Variants in DYRK4 observed in about 807,000 individuals in gnomAD.
DYRK4 encodes dual specificity tyrosine-phosphorylation-regulated kinase 4.
A neutral mutation model predicts 68.3 loss-of-function variants in DYRK4; 64 were observed. The observed-to-expected ratio is 0.94, with a 90% CI of 0.77 to 1.15. DYRK4 has a LOEUF of 1.15. Among genes scored for constraint, DYRK4 ranks in the 50% most tolerant of loss-of-function variants. The pLI, the probability that DYRK4 is intolerant of heterozygous loss-of-function variation, is 0.00. For synonymous variants in DYRK4, 274 were observed against 289.9 expected, an observed-to-expected ratio of 0.95 and a Z score of 0.56; for missense variants, 740 against 764.7, an observed-to-expected ratio of 0.97 and a Z score of 0.38.
rs1945252338 is a variant in DYRK4, at chr12:4,613,474, T to G, written c.1667-41T>G. ...AAGGACAATTAACATATAATCCACA[T>G]TTGAATCTTGTTCCCTTCTGTCTTC... On this transcript the variant is annotated intron_variant, in intron 14 of 14. Transcript: ENST00000543431. The surrounding 1 kb of genome is among the most constrained non-coding windows in gnomAD (Gnocchi z 4.0). 1 of 1,579,416 alleles carries G rather than the reference T, an allele frequency of 6.3e-7. No homozygotes were observed. Among genetic ancestry groups the G allele is most frequent in the African/African-American group, 1.3e-5 (1 of 74,078 alleles).
rs749595912 is a variant in DYRK4, at chr12:4,607,402, G to T, written c.1360+15G>T. 8 of 1,613,834 alleles carry T rather than the reference G, an allele frequency of 5.0e-6. No homozygotes were observed. The African/African-American group carries it at 6.7e-5, about 13-fold the overall frequency. On this transcript the variant is annotated intron_variant, in intron 12 of 14. Transcript: ENST00000543431. ...GACATTCTTTGGTAAGTCCTAGTGT[G>T]TCTCATGAGGTGTCACAGGCCTTGA...
intron 1 of DYRK4, among the ~76,000 whole-genome samples, chr12:4,567,106 A>G (rs1944684709): frequency 6.6e-6 from 1 of 152,186 alleles, no homozygotes; most frequent in South Asian, 2.1e-4. Context: ...CTGATTTTTC[A>G]ATAGTTATAC....
intron 2 of DYRK4, among the ~76,000 whole-genome samples, chr12:4,583,942 G>A (rs1428384024): frequency 1.3e-5 from 2 of 152,166 alleles, no homozygotes; most frequent in African/African-American, 2.4e-5. Context: ...CTGTGGGACC[G>A]CCCCGCCCGA....
At chr12:4,587,167 A>AG (rs1400952470) in intron 2 of DYRK4, among the ~76,000 whole-genome samples, 1 of 152,168 alleles carries the variant, frequency 6.6e-6, no homozygotes, top group African/African-American at 2.4e-5. Flanking sequence ...CAAGCGTCTT[A>AG]GTCTTTCAGT....
chr12:4,609,653 G>A (rs939098239), intron 12 of DYRK4, among the ~76,000 whole-genome samples: 4 of 152,216 alleles, frequency 2.6e-5, no homozygotes, highest in African/African-American at 9.6e-5. Context: ...ACATGATCAT[G>A]ACTTTAGGAG....
chr12:4,593,581 AC>A (rs1944981904), intron 6 of DYRK4, among the ~76,000 whole-genome samples: 1 of 152,200 alleles, frequency 6.6e-6, no homozygotes, highest in African/African-American at 2.4e-5. Flanking sequence ...TCCCCCACAG[AC>A]AAAAAAGCTT....
At chr12:4,562,396 C>G (rs1459434431) in intron 1 of DYRK4, 113 bp downstream of exon 1, 1 of 1,302,500 alleles carries the variant, frequency 7.7e-7, no homozygotes, top group African/African-American at 1.5e-5. Context: ...GTGCAGAATG[C>G]AAGAGCTGAC....
intron 2 of DYRK4, among the ~76,000 whole-genome samples, chr12:4,578,544 G>C (rs188272111): frequency 6.6e-6 from 1 of 152,084 alleles, no homozygotes; most frequent in Admixed American, 6.6e-5. Flanking sequence ...CAAGTTATGC[G>C]TAGTTAATTT....
At chr12:4,574,707 CTATT>C (rs1351492539) in intron 2 of DYRK4, among the ~76,000 whole-genome samples, 3 of 152,064 alleles carry the variant, frequency 2.0e-5, no homozygotes, top group Non-Finnish European at 4.4e-5. Context: ...TGTGCGTTTG[CTATT>C]TATTTTTTAT....
chr12:4,563,539 G>A (rs1330622816), intron 1 of DYRK4, among the ~76,000 whole-genome samples: 1 of 152,228 alleles, frequency 6.6e-6, no homozygotes, highest in Non-Finnish European at 1.5e-5. Flanking sequence ...CCACATCAAA[G>A]AATATGGTCG....
Position 4,591,207 on chromosome 12 carries a change from A to T in DYRK4, c.372A>T (p.Ser124=). The stretch of plus-strand genomic sequence containing the variant: ...TGCCGGCCTCAGAGCTCAAGGCTTC[A>T]GAAATACCTTTCCACCCTAGCATTA... ...NQMPASELKA[S]EIPFHPSIKT... The change falls in exon 5 of 15, where the codon TCA becomes TCT. Residue 124 remains serine (S), a synonymous_variant. Coordinates refer to ENST00000543431, the MANE Select transcript of DYRK4 (RefSeq NM_001394779.1). This position sits in a 1 kb window ranked among gnomAD's most constrained non-coding sequence, Gnocchi z 4.1. The T allele has an allele frequency of 1.2e-6, 2 of 1,614,208 alleles. No individual in the cohort carries two copies. The highest frequency in any genetic ancestry group is 1.7e-6 in the Non-Finnish European group (2 of 1,180,030).
At chr12:4,607,225 C>A in intron 11 of DYRK4, 102 bp from the exon 12 acceptor site, 1 of 1,338,748 alleles carries the variant, frequency 7.5e-7, no homozygotes, top group Non-Finnish European at 1.1e-6. Context: ...GCTTTGAATC[C>A]TTATCTGTAG....
At chr12:4,579,187 T>A (rs537251564) in intron 2 of DYRK4, among the ~76,000 whole-genome samples, 2 of 152,136 alleles carry the variant, frequency 1.3e-5, no homozygotes, top group South Asian at 4.2e-4. Flanking sequence ...GGCAGGAGAA[T>A]CATTTGAACC....
chr12:4,585,236 A>G (rs1232998904), intron 2 of DYRK4, among the ~76,000 whole-genome samples: 1 of 152,058 alleles, frequency 6.6e-6, no homozygotes, highest in Non-Finnish European at 1.5e-5. Flanking sequence ...CCTTCTCTTG[A>G]TTCCCACAAT....
intron 2 of DYRK4, among the ~76,000 whole-genome samples, chr12:4,576,767 G>A (rs1304258107): frequency 6.6e-6 from 1 of 152,130 alleles, no homozygotes; most frequent in Non-Finnish European, 1.5e-5. Flanking sequence ...ACATAATATT[G>A]AGCATCTTTT....
Position 4,591,311 on chromosome 12 carries a change from G to T in DYRK4, c.463+13G>T. ...CTGACAGCGGCAGGTATGCCTTTGG[G>T]GCAGTAGCAGGGTGGGGAGGTGCTT... On this transcript the variant is annotated intron_variant, in intron 5 of 14. Transcript: ENST00000543431. The surrounding 1 kb of genome is among the most constrained non-coding windows in gnomAD (Gnocchi z 4.1). The T allele has an allele frequency of 6.2e-7, 1 of 1,613,444 alleles. No individual in the cohort carries two copies. Among genetic ancestry groups the T allele is most frequent in the Non-Finnish European group, 8.5e-7 (1 of 1,179,714 alleles).
chr12:4,575,299 C>CTGTGTGTGTGTGTGTG (rs35874260), intron 2 of DYRK4, among the ~76,000 whole-genome samples: 111 of 148,966 alleles, frequency 7.5e-4, no homozygotes, highest in African/African-American at 2.6e-3. Context: ...CAATAACTTA[C>CTGTGTGTGTGTGTGTG]TGTGTGTGTG....
intron 2 of DYRK4, among the ~76,000 whole-genome samples, chr12:4,582,473 A>G (rs1326560286): frequency 2.0e-5 from 3 of 152,216 alleles, no homozygotes; most frequent in East Asian, 1.9e-4. Context: ...GAAATGAAAT[A>G]AAATAAAATA....
rs746248271 is a variant in DYRK4 at position 4,605,068 on chromosome 12, G to T, written c.1281G>T (p.Gln427His). ...TCCCCGGGGAGAATGAGGTGGAGCA[G>T]CTGGCCTGCATCATGGAGGTACGCG... ...PLFPGENEVEQLACIMEVLGL... is the reference protein window; with the variant it reads ...PLFPGENEVEHLACIMEVLGL... Residue 427 changes from glutamine to histidine, a missense_variant, in exon 11 of 15, where the codon CAG (glutamine) becomes CAT (histidine). Coordinates refer to ENST00000543431, the MANE Select transcript of DYRK4 (RefSeq NM_001394779.1). 6.2e-7 allele frequency: 1 copy of T among 1,613,410 alleles called. No homozygotes were observed. The highest frequency in any genetic ancestry group is 8.5e-7 in the Non-Finnish European group (1 of 1,179,642).
Sources: allele counts gnomAD v4.1 joint callset (sites outside exome capture counted in the v4.1 genomes callset), GRCh38; gene constraint gnomAD v4.1.1; non-coding constraint Gnocchi (gnomAD v3.1); transcripts MANE v1.5; gene names NCBI Gene and HGNC (gene_info 2026-07-23, HGNC 2026-07-21).